AMPH: variants seen among roughly 807,000 people sequenced by gnomAD.
The protein encoded by AMPH is amphiphysin (Stiff-Mann syndrome with breast cancer 128kD autoantigen).
AMPH carries 49 observed loss-of-function variants against 99.1 expected under a neutral mutation model. That is an observed-to-expected ratio of 0.49 (90% confidence interval 0.39 to 0.63). The LOEUF is 0.63. Among genes scored for constraint, AMPH ranks in the 20% least tolerant of loss-of-function variants. The pLI is 0.00. For missense variants in AMPH, 759 were observed against 863.4 expected (o/e 0.88, Z 1.52); for synonymous variants, 314 against 317.3 (o/e 0.99, Z 0.11).
chr7:38,437,736 G>A (rs1376531266), intron 11 of AMPH, among the ~76,000 whole-genome samples: 3 of 151,718 alleles, frequency 2.0e-5, no homozygotes, highest in African/African-American at 7.3e-5. Flanking sequence ...CCTGGGAGAC[G>A]AAGGTTGCAG....
At chr7:38,409,404 T>C (rs936433061) in intron 17 of AMPH, among the ~76,000 whole-genome samples, 5 of 152,278 alleles carry the variant, frequency 3.3e-5, no homozygotes, top group Admixed American at 3.3e-4. Flanking sequence ...GATTGGACTA[T>C]GGCACAGGCT....
chr7:38,578,939 G>A (rs1381385282), intron 1 of AMPH, among the ~76,000 whole-genome samples: 1 of 151,974 alleles, frequency 6.6e-6, no homozygotes, highest in African/African-American at 2.4e-5. Flanking sequence ...CTTCTGCTTT[G>A]AATCTGTTGA....
chr7:38,609,919 G>C (rs554649031), intron 1 of AMPH, among the ~76,000 whole-genome samples: 6 of 151,872 alleles, frequency 4.0e-5, no homozygotes, highest in African/African-American at 1.5e-4. Context: ...GTAAAAGGAG[G>C]AAAGCACATA....
intron 7 of AMPH, among the ~76,000 whole-genome samples, chr7:38,473,710 CAAAAAAAAAAAAAAAAAAAAAAA>C (rs70977409): frequency 5.3e-4 from 2 of 3,780 alleles, no homozygotes; most frequent in East Asian, 0.022. Flanking sequence ...GACTCCGTCT[CAAAAAAAAAAAAAAAAAAAAAAA>C]AAAAAAAAAA....
At chr7:38,574,196 T>G (rs1244509438) in intron 1 of AMPH, among the ~76,000 whole-genome samples, 1 of 152,240 alleles carries the variant, frequency 6.6e-6, no homozygotes, top group Non-Finnish European at 1.5e-5. Context: ...ATCACATATA[T>G]TCTTATTTTC....
Position 38,631,363 on chromosome 7 carries a change from CG to C in AMPH, c.-13del. On this transcript the variant is annotated 5_prime_UTR_variant, in exon 1 of 21. Transcript: ENST00000356264. ...TTGATGTCGGCCATGGCTGCGGGTCCGGGGAGCTGCGAAGAGCAGAGCGCGC... is the reference window on the plus strand; with the variant it reads ...TTGATGTCGGCCATGGCTGCGGGTCCGGGAGCTGCGAAGAGCAGAGCGCGC... 3 of 1,542,026 alleles carry C rather than the reference CG, an allele frequency of 1.9e-6. No individual in the cohort carries two copies. Among genetic ancestry groups the C allele is most frequent in the African/African-American group, 1.4e-5 (1 of 70,742 alleles).
chr7:38,428,397 T>C (rs1324891540), intron 14 of AMPH: 1 of 456,656 alleles, frequency 2.2e-6, no homozygotes, highest in Admixed American at 2.3e-5. Context: ...ATCTCTTCTG[T>C]TTGCATCTCT....
chr7:38,486,734 C>G (rs1024669469), intron 5 of AMPH, among the ~76,000 whole-genome samples: 1 of 151,972 alleles, frequency 6.6e-6, no homozygotes, highest in South Asian at 2.1e-4. Flanking sequence ...CCATCATGAC[C>G]AAGTAGGATT....
intron 7 of AMPH, among the ~76,000 whole-genome samples, chr7:38,473,914 T>C (rs1189115065): frequency 6.6e-6 from 1 of 152,012 alleles, no homozygotes; most frequent in East Asian, 1.9e-4. Context: ...TATATTCAGG[T>C]TGTTTAAATC....
intron 9 of AMPH, chr7:38,463,317 G>A (rs1249860026): frequency 1.4e-6 from 1 of 712,370 alleles, no homozygotes; most frequent in African/African-American, 1.7e-5. Context: ...CCTCATTCAT[G>A]TATTATCTTT....
chr7:38,463,138 A>T (rs779228442), intron 9 of AMPH, 25 bp from the exon 10 acceptor site: 1 of 1,613,822 alleles, frequency 6.2e-7, no homozygotes, highest in Non-Finnish European at 8.5e-7. Context: ...GGGATTGGGC[A>T]AGGGGCCTTC....
chr7:38,525,277 T>TATATATATATATAGAG (rs1481528083), intron 2 of AMPH, among the ~76,000 whole-genome samples: 63 of 86,650 alleles, frequency 7.3e-4, no homozygotes, highest in African/African-American at 1.3e-3. Context: ...TATATATATA[T>TATATATATATATAGAG]AGAGAGAGAG....
In AMPH at chr7:38,621,860, A is replaced by C. The variant is rs371665000; in HGVS notation, c.69+9423T>G. ...TTTATACGACATCATTCCTCAAAAG[A>C]GATTTGGTCAATTTGTGTTCAGGAA... On this transcript the variant is annotated intron_variant, in intron 1 of 20. Coordinates refer to ENST00000356264, the MANE Select transcript of AMPH (RefSeq NM_001635.4). 9.2e-5 allele frequency among the ~76,000 whole-genome samples: 14 copies of C among 152,326 alleles called. No homozygotes were observed. In the East Asian group the frequency reaches 2.3e-3, roughly 25 times the overall value.
At chr7:38,571,801 G>A (rs1224567010) in intron 1 of AMPH, among the ~76,000 whole-genome samples, 1 of 151,844 alleles carries the variant, frequency 6.6e-6, no homozygotes, top group Non-Finnish European at 1.5e-5. Context: ...CTACAGTCAT[G>A]TGCTGCCCTA....
At chr7:38,534,053 A>G (rs1018077418) in intron 2 of AMPH, among the ~76,000 whole-genome samples, 3 of 152,270 alleles carry the variant, frequency 2.0e-5, no homozygotes, top group Admixed American at 6.5e-5. Flanking sequence ...TTTCATTGTC[A>G]TCTCCCCAAG....
At chr7:38,572,840 C>T (rs1196883166) in intron 1 of AMPH, among the ~76,000 whole-genome samples, 2 of 152,138 alleles carry the variant, frequency 1.3e-5, no homozygotes, top group Non-Finnish European at 2.9e-5. Flanking sequence ...CCTGCAGTGT[C>T]CATCCCACCC....
chr7:38,409,549 T>G (rs192583245), intron 17 of AMPH, among the ~76,000 whole-genome samples: 3 of 152,360 alleles, frequency 2.0e-5, no homozygotes, highest in Admixed American at 2.0e-4. Flanking sequence ...AAGCTGGCAC[T>G]TGATACCGCA....
In AMPH at chr7:38,570,903, C is replaced by T. The variant is rs1196338010; in HGVS notation, c.70-35892G>A. Among the ~76,000 whole-genome samples the T allele has an allele frequency of 3.4e-4, 28 of 82,496 alleles. 1 individual carries two copies. Among genetic ancestry groups the T allele is most frequent in the African/African-American group, 1.0e-3 (23 of 22,102 alleles). 54.1% of individuals were successfully genotyped at this position (82,496 alleles called of 152,430 possible). ...GTGTAGGCCTAGGCTAATGTGTGTG[C>T]GTCTCAGTTTTTAACAAAAAAATTT... On this transcript the variant is annotated intron_variant, in intron 1 of 20. Transcript: ENST00000356264.
chr7:38,484,663 GT>G (rs1398678445), intron 5 of AMPH, among the ~76,000 whole-genome samples: 1 of 151,954 alleles, frequency 6.6e-6, no homozygotes, highest in Non-Finnish European at 1.5e-5. Flanking sequence ...TATAACATTT[GT>G]TGGTAAATGT....
Sources: allele counts gnomAD v4.1 joint callset (sites outside exome capture counted in the v4.1 genomes callset), GRCh38; gene constraint gnomAD v4.1.1; transcripts MANE v1.5; gene names NCBI Gene and HGNC (gene_info 2026-07-23, HGNC 2026-07-21).